The following KIFC3 variants were observed in gnomAD, a reference collection of about 807,000 sequenced individuals.
KIFC3 encodes kinesin-like protein KIFC3.
KIFC3 carries 60 observed loss-of-function variants against 101.8 expected under a neutral mutation model. That is an observed-to-expected ratio of 0.59 (90% confidence interval 0.48 to 0.73). The LOEUF (loss-of-function observed/expected upper bound fraction) is 0.73. KIFC3 is among the 30% of genes least tolerant of loss of function. The pLI is 0.00. For synonymous variants in KIFC3, 476 were observed against 482.7 expected, an observed-to-expected ratio of 0.99 and a Z score of 0.18; for missense variants, 966 against 1,137.1, an observed-to-expected ratio of 0.85 and a Z score of 2.16.
intron 3 of KIFC3, chr16:57,781,808 TA>T: frequency 2.9e-6 from 1 of 347,568 alleles, no homozygotes; most frequent in Non-Finnish European, 4.1e-6. Context: ...ACTGAGCTCC[TA>T]AGAGGTTAAG....
intron 1 of KIFC3, among the ~76,000 whole-genome samples, chr16:57,817,544 C>T (rs959002710): frequency 6.6e-6 from 1 of 152,080 alleles, no homozygotes; most frequent in Non-Finnish European, 1.5e-5. Flanking sequence ...CAGTGCACCT[C>T]GGCTTATGGG....
chr16:57,785,462 A>G (rs2053222553), intron 3 of KIFC3: 1 of 1,284,152 alleles, frequency 7.8e-7, no homozygotes, highest in Non-Finnish European at 1.0e-6. Flanking sequence ...CTCCCCAGGT[A>G]CCTGGTTCTG....
At chr16:57,799,861 C>A (rs1409976278) in intron 1 of KIFC3, among the ~76,000 whole-genome samples, 1 of 152,114 alleles carries the variant, frequency 6.6e-6, no homozygotes, top group Non-Finnish European at 1.5e-5. Flanking sequence ...GTGCATCATG[C>A]CAAAGAGACG....
In KIFC3 at chr16:57,795,900, T is replaced by G. The variant is rs201075313; in HGVS notation, c.173-759A>C. Among the ~76,000 whole-genome samples the G allele has an allele frequency of 5.0e-3, 727 of 146,420 alleles. 8 individuals are homozygous for G. The highest frequency in any genetic ancestry group is 0.038 in the South Asian group (174 of 4,534). ...GGCTTTTTTGTTTTTTTTTTTTTTTTTTTTTTTTTTTGAGACAGGGCCTCT... is the reference window on the plus strand; with the variant it reads ...GGCTTTTTTGTTTTTTTTTTTTTTTGTTTTTTTTTTTGAGACAGGGCCTCT... On this transcript the variant is annotated intron_variant, in intron 2 of 19. Transcript: ENST00000445690.
At chr16:57,773,141 A>T (rs1272262574) in intron 3 of KIFC3, among the ~76,000 whole-genome samples, 2 of 152,356 alleles carry the variant, frequency 1.3e-5, no homozygotes, top group African/African-American at 2.4e-5. Context: ...AGCTTCCGTC[A>T]GGGCATGTTT....
upstream of KIFC3, among the ~76,000 whole-genome samples, chr16:57,806,930 C>T (rs1258701294): frequency 6.6e-6 from 1 of 152,190 alleles, no homozygotes; most frequent in Admixed American, 6.5e-5. Flanking sequence ...GAAAGAACTA[C>T]GGAGGAGGCT....
chr16:57,818,303 T>C (rs1030724660), intron 1 of KIFC3, among the ~76,000 whole-genome samples: 11 of 152,284 alleles, frequency 7.2e-5, no homozygotes, highest in Admixed American at 6.5e-5. Context: ...AAACAGTTGG[T>C]AAGGAAACAG....
rs576290259 is a variant in KIFC3, at chr16:57,760,215, G to C, written c.2367+67C>G. The C allele has an allele frequency of 2.7e-5, 42 of 1,547,844 alleles. No homozygotes were observed. In the Admixed American group the frequency reaches 5.5e-4, roughly 20 times the overall value. ...TCAGGACGTCCCCGCCCAGCTCCCT[G>C]CTCCTGCCATGACCCAAAGTCTCTG... On this transcript the variant is annotated intron_variant, in intron 17 of 19. Transcript: ENST00000445690.
At chr16:57,845,654 T>C (rs776944544) in intron 1 of KIFC3, among the ~76,000 whole-genome samples, 7 of 152,186 alleles carry the variant, frequency 4.6e-5, no homozygotes, top group Non-Finnish European at 8.8e-5. Context: ...AGACTCTCCC[T>C]GATCTCCTTA....
At chr16:57,848,175 G>C (rs1480334557) in intron 1 of KIFC3, among the ~76,000 whole-genome samples, 1 of 152,150 alleles carries the variant, frequency 6.6e-6, no homozygotes, top group East Asian at 1.9e-4. Context: ...GTTATTTTCT[G>C]TCTAATGCCT....
intron 3 of KIFC3, among the ~76,000 whole-genome samples, chr16:57,789,719 C>CTTTGTTTTGT (rs578030285): frequency 0.017 from 2,503 of 150,524 alleles, 72 homozygotes; most frequent in African/African-American, 0.057. Context: ...GACTGTGTTT[C>CTTTGTTTTGT]TTTGTTTTGT....
intron 4 of KIFC3, 44 bp downstream of exon 4, chr16:57,772,179 C>G: frequency 6.4e-7 from 1 of 1,570,240 alleles, no homozygotes; most frequent in Non-Finnish European, 8.7e-7. Context: ...CTGCACAAGG[C>G]AGGCCAGGCC....
At chr16:57,831,330 T>C (rs1355522887) in intron 1 of KIFC3, among the ~76,000 whole-genome samples, 1 of 152,188 alleles carries the variant, frequency 6.6e-6, no homozygotes, top group East Asian at 1.9e-4. Context: ...CCCAGCGCCT[T>C]CTCTCCAAGA....
At chr16:57,798,379 C>T (rs1245167491) in intron 1 of KIFC3, 97 bp from the exon 2 acceptor site, 2 of 1,119,276 alleles carry the variant, frequency 1.8e-6, no homozygotes, top group Admixed American at 2.0e-5. Flanking sequence ...TACGCCCCAC[C>T]GGTCGCTGGT....
Position 57,788,557 on chromosome 16 carries a change from C to T in KIFC3, c.315+6442G>A, listed in dbSNP as rs538763591. On this transcript the variant is annotated intron_variant, in intron 3 of 19. Transcript: ENST00000445690. The stretch of plus-strand genomic sequence containing the variant: ...GCTTCACTGGGGAGTGCCGGTTTGG[C>T]GGGCAGGCCTGCTTTACCTGTATTC... 100 of 1,280,278 alleles carry T rather than the reference C, an allele frequency of 7.8e-5. 1 individual carries two copies. The South Asian group carries it at 1.1e-3, about 14-fold the overall frequency. 79.3% of individuals were successfully genotyped at this position (1,280,278 alleles called of 1,614,324 possible).
chr16:57,802,643 C>A, upstream of KIFC3: 2 of 1,051,962 alleles, frequency 1.9e-6, no homozygotes, highest in Non-Finnish European at 2.4e-6. The surrounding 1 kb of genome is among the most constrained non-coding windows in gnomAD (Gnocchi z 5.0). Context: ...GCAGGTCTCC[C>A]GCCGGCACTC....
At position 57,854,259 on chromosome 16, in the gene KIFC3, A is replaced by AT. The variant is rs1380700475; in HGVS notation, c.108+8469dup. ...GCCCAGCTGGAAATTGTTAAATTGA[A>AT]TTTTTGAAAAAACTCAACTACGTGA... On this transcript the variant is annotated intron_variant, in intron 1 of 2. Coordinates refer to the KIFC3 transcript ENST00000563028. 3.9e-5 allele frequency among the ~76,000 whole-genome samples: 6 copies of AT among 152,308 alleles called. No homozygotes were observed. The East Asian group carries it at 7.7e-4, about 20-fold the overall frequency.
chr16:57,814,572 C>T (rs1325177182), intron 1 of KIFC3, among the ~76,000 whole-genome samples: 1 of 152,168 alleles, frequency 6.6e-6, no homozygotes, highest in African/African-American at 2.4e-5. Flanking sequence ...ATAATTATCC[C>T]ATGTTACAGA....
At chr16:57,810,537 G>C in intron 1 of KIFC3, 1 of 409,956 alleles carries the variant, frequency 2.4e-6, no homozygotes, top group Non-Finnish European at 3.3e-6. Flanking sequence ...CCAGGTGACC[G>C]AGAGGAAGCA....
Sources: allele counts gnomAD v4.1 joint callset (sites outside exome capture counted in the v4.1 genomes callset), GRCh38; gene constraint gnomAD v4.1.1; non-coding constraint Gnocchi (gnomAD v3.1); transcripts MANE v1.5; gene names NCBI Gene and HGNC (gene_info 2026-07-23, HGNC 2026-07-21).